Variants in HDAC9 observed in about 807,000 individuals in gnomAD.
HDAC9 encodes MEF-2 interacting transcription repressor (MITR) protein.
In HDAC9, 41 loss-of-function variants were observed where a neutral mutation model predicts 139.4. The ratio of observed to expected loss-of-function variants is 0.29; its 90% CI spans 0.23 to 0.38. The LOEUF (loss-of-function observed/expected upper bound fraction) is 0.38, where lower values mean the gene tolerates loss of function less well. Among genes scored for constraint, HDAC9 ranks in the 10% least tolerant of loss-of-function variants. The probability of loss-of-function intolerance (pLI) is 1.00; values close to 1 mark genes in which losing one functional copy is unlikely to be tolerated. For missense variants in HDAC9, 1,147 were observed against 1,297.0 expected, an observed-to-expected ratio of 0.88 and a Z score of 1.78; for synonymous variants, 517 against 476.2, an observed-to-expected ratio of 1.09 and a Z score of -1.12.
intron 2 of HDAC9, among the ~76,000 whole-genome samples, chr7:18,257,399 TCCCA>T (rs1338452600): frequency 0.022 from 2,643 of 118,612 alleles, 30 homozygotes; most frequent in South Asian, 0.048. Context: ...TCTCTGTCTC[TCCCA>T]CACACACACA....
At chr7:18,321,056 C>G (rs986002227) in intron 1 of HDAC9, among the ~76,000 whole-genome samples, 1 of 152,114 alleles carries the variant, frequency 6.6e-6, no homozygotes, top group Non-Finnish European at 1.5e-5. Context: ...TTTCATAGAA[C>G]TTGACCAAAT....
At chr7:18,789,286 G>GCGCGCGCACACA in intron 16 of HDAC9, among the ~76,000 whole-genome samples, 1 of 148,506 alleles carries the variant, frequency 6.7e-6, no homozygotes. Flanking sequence ...ACACATACAC[G>GCGCGCGCACACA]CACACACACA....
chr7:18,850,336 A>G (rs1797196896), intron 21 of HDAC9, among the ~76,000 whole-genome samples: 1 of 152,120 alleles, frequency 6.6e-6, no homozygotes, highest in South Asian at 2.1e-4. Context: ...GAAATATGCA[A>G]TATTTATGAG....
chr7:18,933,838 CA>C (rs1289213321), intron 22 of HDAC9, among the ~76,000 whole-genome samples: 1 of 151,836 alleles, frequency 6.6e-6, no homozygotes, highest in Non-Finnish European at 1.5e-5. Flanking sequence ...CGAAATAGAA[CA>C]AAATTGGAAT....
At chr7:18,152,466 G>C (rs1786852726) in intron 1 of HDAC9, among the ~76,000 whole-genome samples, 1 of 152,026 alleles carries the variant, frequency 6.6e-6, no homozygotes, top group South Asian at 2.1e-4. Context: ...TGTTTCTCTT[G>C]TGCTTCTCAT....
In HDAC9 at chr7:18,998,570, C is replaced by G. The variant is rs1786591624; in HGVS notation, c.*2508C>G. 6.6e-6 allele frequency: 1 copy of G among 152,184 alleles called. No individual in the cohort carries two copies. The allele number at this position is 152,184 out of a possible 1,614,324, so 9.4% of individuals were successfully genotyped here. The stretch of plus-strand genomic sequence containing the variant: ...TACCATTACAAGATGGAGCATAGCC[C>G]TGAGGGACAGAATGGAGGCTTTCCG... On this transcript the variant is annotated 3_prime_UTR_variant, in exon 26 of 26. Coordinates refer to ENST00000686413, the MANE Select transcript of HDAC9 (RefSeq NM_178425.4).
At chr7:18,098,442 G>A (rs1562616837) in intron 1 of HDAC9, among the ~76,000 whole-genome samples, 1 of 152,146 alleles carries the variant, frequency 6.6e-6, no homozygotes, top group Non-Finnish European at 1.5e-5. Flanking sequence ...CTCATTTTCT[G>A]TTTACTGCTA....
At chr7:18,599,788 A>G (rs148555046) in intron 6 of HDAC9, among the ~76,000 whole-genome samples, 164 of 152,306 alleles carry the variant, frequency 1.1e-3, no homozygotes, top group Non-Finnish European at 9.0e-4. Context: ...TTTCAGCTCA[A>G]TTGGGTAAAT....
chr7:18,971,898 T>C (rs1219510852), intron 24 of HDAC9, among the ~76,000 whole-genome samples: 1 of 152,190 alleles, frequency 6.6e-6, no homozygotes, highest in Non-Finnish European at 1.5e-5. Context: ...GGGCCAAAAT[T>C]TAAAGGATCA....
intron 1 of HDAC9, among the ~76,000 whole-genome samples, chr7:18,135,715 GGGTT>G (rs1394341933): frequency 6.9e-6 from 1 of 145,388 alleles, no homozygotes; most frequent in Non-Finnish European, 1.5e-5. Context: ...TTGGACATTT[GGGTT>G]GGTTCCAAGT....
rs375198737 is a variant in HDAC9 at position 18,762,258 on chromosome 7, G to A, written c.2145G>A (p.Leu715=). Residue 715 remains leucine, a synonymous_variant, in exon 15 of 26, where the codon CTG becomes CTA. Transcript: ENST00000686413. The part of the protein sequence containing the change: ...YGTNPLDGQK[L]DPRILLGDDS... Reference sequence around the variant, plus strand: ...CCAACCCCCTGGACGGACAGAAGCTGGACCCCAGGATACTCCTAGGTCTGT... The same window carrying A: ...CCAACCCCCTGGACGGACAGAAGCTAGACCCCAGGATACTCCTAGGTCTGT... The A allele has an allele frequency of 3.1e-6, 5 of 1,613,354 alleles. No individual in the cohort carries two copies. The highest frequency in any genetic ancestry group is 2.2e-5 in the South Asian group (2 of 91,060).
chr7:18,344,514 G>GA (rs1458258651), intron 1 of HDAC9, among the ~76,000 whole-genome samples: 17 of 151,926 alleles, frequency 1.1e-4, no homozygotes, highest in Admixed American at 1.1e-3. Context: ...ATGGCTTCCA[G>GA]AAATTGTTCA....
chr7:18,089,310 G>C (rs955045222), intron 1 of HDAC9, among the ~76,000 whole-genome samples: 1 of 152,186 alleles, frequency 6.6e-6, no homozygotes, highest in Non-Finnish European at 1.5e-5. Flanking sequence ...TGACTAGAGA[G>C]TGTTTAGCAC....
intron 3 of HDAC9, among the ~76,000 whole-genome samples, chr7:18,586,893 T>C (rs766515760): frequency 5.9e-5 from 9 of 152,170 alleles, no homozygotes; most frequent in Non-Finnish European, 1.0e-4. Context: ...GAATGAATAC[T>C]GAAGCTTTAT....
At chr7:18,458,751 AAG>A in intron 1 of HDAC9, 1 of 790,130 alleles carries the variant, frequency 1.3e-6, no homozygotes, top group South Asian at 1.5e-5. Flanking sequence ...AGTAGTAACA[AAG>A]AGAGAGCTGG....
At chr7:18,653,513 A>G (rs1790053246) in intron 11 of HDAC9, among the ~76,000 whole-genome samples, 1 of 152,092 alleles carries the variant, frequency 6.6e-6, no homozygotes, top group Non-Finnish European at 1.5e-5. Flanking sequence ...TACATAAATC[A>G]TGAGATGATA....
rs182194355 is a variant in HDAC9, at chr7:18,822,109, T to C, written c.2323-7052T>C. 5.9e-5 allele frequency among the ~76,000 whole-genome samples: 9 copies of C among 152,270 alleles called. No individual in the cohort carries two copies. In the East Asian group the frequency reaches 1.7e-3, roughly 29 times the overall value. The stretch of plus-strand genomic sequence containing the variant: ...TGGAGGTTCCATCACATGGGCAAGA[T>C]TGATCAAATTATTGGCCCTTGATAA... On this transcript the variant is annotated intron_variant, in intron 17 of 25. Transcript: ENST00000686413.
At chr7:18,321,401 G>GA (rs554986459) in intron 1 of HDAC9, among the ~76,000 whole-genome samples, 209 of 152,158 alleles carry the variant, frequency 1.4e-3, no homozygotes, top group Non-Finnish European at 2.6e-3. Flanking sequence ...CAAGAGAAAG[G>GA]AAAAAGGTGA....
chr7:18,942,902 A>G (rs1027602279), intron 23 of HDAC9, among the ~76,000 whole-genome samples: 1 of 152,038 alleles, frequency 6.6e-6, no homozygotes, highest in Non-Finnish European at 1.5e-5. Flanking sequence ...AGAAAAGTCA[A>G]CACTTGGAAA....
Sources: allele counts gnomAD v4.1 joint callset (sites outside exome capture counted in the v4.1 genomes callset), GRCh38; gene constraint gnomAD v4.1.1; transcripts MANE v1.5; gene names NCBI Gene and HGNC (gene_info 2026-07-23, HGNC 2026-07-21).